NIPAL2: variants seen among roughly 807,000 people sequenced by gnomAD.
The protein encoded by NIPAL2 is NIPA like domain containing 2.
NIPAL2 carries 43 observed loss-of-function variants against 48.9 expected under a neutral mutation model. The observed-to-expected ratio is 0.88, with a 90% confidence interval of 0.69 to 1.13. The LOEUF is 1.13. Among genes scored for constraint, NIPAL2 ranks in the 50% most tolerant of loss-of-function variants. The pLI is 0.00. For missense variants in NIPAL2, 446 were observed against 461.4 expected (o/e 0.97, Z 0.31); for synonymous variants, 167 against 174.6 (o/e 0.96, Z 0.34).
chr8:98,193,818 AG>A lies in NIPAL2; in HGVS notation c.1040-729del, dbSNP rs766827202. ...ACTCCATCTCAAAAAAAAAAAAAAA[AG>A]TCAAACTTTATTTCCTATCAAAGAA... On this transcript the variant is annotated intron_variant, in intron 10 of 10. Transcript: ENST00000430223. Among the ~76,000 whole-genome samples the A allele has an allele frequency of 3.2e-3, 479 of 151,434 alleles. 2 individuals carry two copies. The highest frequency in any genetic ancestry group is 5.6e-3 in the Non-Finnish European group (380 of 67,708).
intron 6 of NIPAL2, among the ~76,000 whole-genome samples, chr8:98,211,084 C>A (rs1811286358): frequency 6.6e-6 from 1 of 152,144 alleles, no homozygotes; most frequent in African/African-American, 2.4e-5. Context: ...TTTGAATAAT[C>A]CTTACAGCTG....
rs568464494 is a variant in NIPAL2 at position 98,242,488 on chromosome 8, ATT to A, written c.377-6276_377-6275del. ...AGGCAAAAGCCACTGCACCTGACAGATTTTTTTTTTTTTTTTTTTAACTGAGC... is the reference window on the plus strand; with the variant it reads ...AGGCAAAAGCCACTGCACCTGACAGATTTTTTTTTTTTTTTTTAACTGAGC... On this transcript the variant is annotated intron_variant, in intron 3 of 10. Transcript: ENST00000430223. Among the ~76,000 whole-genome samples the A allele has an allele frequency of 7.0e-3, 822 of 117,762 alleles. 19 individuals are homozygous for A. The highest frequency in any genetic ancestry group is 0.021 in the African/African-American group (638 of 30,320). 77.3% of individuals were successfully genotyped at this position (117,762 alleles called of 152,430 possible). A position where few individuals can be genotyped will look rare whatever the true frequency, so the allele number is the denominator to read the frequency against.
chr8:98,236,268 C>T (rs1812710341), intron 3 of NIPAL2, 54 bp from the exon 4 acceptor site: 3 of 1,247,204 alleles, frequency 2.4e-6, no homozygotes, highest in Admixed American at 3.9e-5. Flanking sequence ...GTCTATTACG[C>T]AATGCCATTT....
At chr8:98,197,319 A>C (rs1189105495) in intron 8 of NIPAL2, among the ~76,000 whole-genome samples, 1 of 152,238 alleles carries the variant, frequency 6.6e-6, no homozygotes, top group Admixed American at 6.5e-5. Flanking sequence ...TACCTTAATT[A>C]AAATACTTTA....
intron 1 of NIPAL2, 51 bp downstream of exon 1, chr8:98,293,952 C>T (rs1204420556): frequency 4.4e-5 from 60 of 1,363,790 alleles, no homozygotes; most frequent in Middle Eastern, 2.6e-4. Context: ...CGGAGCCAGC[C>T]GCCCTGGCCG....
At chr8:98,212,370 C>A in intron 6 of NIPAL2, 35 bp downstream of exon 6, 1 of 1,130,888 alleles carries the variant, frequency 8.8e-7, no homozygotes, top group Non-Finnish European at 1.3e-6. Flanking sequence ...CAGCACAGCT[C>A]AATTAAAGAA....
intron 1 of NIPAL2, among the ~76,000 whole-genome samples, 188 bp downstream of exon 1, chr8:98,293,815 C>G (rs896978095): frequency 3.3e-5 from 5 of 152,336 alleles, no homozygotes; most frequent in East Asian, 3.9e-4. Flanking sequence ...CTGGGCGGAC[C>G]CCCGCGCTTC....
intron 7 of NIPAL2, among the ~76,000 whole-genome samples, chr8:98,203,846 C>CTGTGTG (rs143170810): frequency 0.067 from 9,791 of 146,774 alleles, 411 homozygotes; most frequent in East Asian, 0.12. Context: ...TGGGTAGAGC[C>CTGTGTG]TGTGTGTGTG....
At chr8:98,247,139 G>A (rs948722070) in intron 3 of NIPAL2, among the ~76,000 whole-genome samples, 16 of 152,190 alleles carry the variant, frequency 1.1e-4, no homozygotes, top group Non-Finnish European at 2.4e-4. Context: ...ATATTCATGA[G>A]TCTCTTGCAA....
In NIPAL2 at chr8:98,211,733, A is replaced by AGTGTGTGTGTGTGTGT. The variant is rs1156409051; in HGVS notation, c.655+656_655+671dup. Reference sequence around the variant, plus strand: ...GAGTGAGAGAGAGAGAGAGAGAGAAAGTGTGTGTGTGTGTGTGTGTGTGTG... The same window carrying AGTGTGTGTGTGTGTGT: ...GAGTGAGAGAGAGAGAGAGAGAGAAAGTGTGTGTGTGTGTGTGTGTGTGTGTGTGTGTGTGTGTGTG... On this transcript the variant is annotated intron_variant, in intron 6 of 10. Coordinates refer to ENST00000430223, the MANE Select transcript of NIPAL2 (RefSeq NM_001321635.2). 1.0e-3 allele frequency among the ~76,000 whole-genome samples: 112 copies of AGTGTGTGTGTGTGTGT among 109,144 alleles called. 2 individuals are homozygous for AGTGTGTGTGTGTGTGT. Among genetic ancestry groups the AGTGTGTGTGTGTGTGT allele is most frequent in the African/African-American group, 2.9e-3 (75 of 25,950 alleles). 71.6% of individuals were successfully genotyped at this position (109,144 alleles called of 152,430 possible). A position where few individuals can be genotyped will look rare whatever the true frequency, so the allele number is the denominator to read the frequency against.
At chr8:98,288,273 G>T (rs1360000173) in intron 1 of NIPAL2, among the ~76,000 whole-genome samples, 1 of 143,114 alleles carries the variant, frequency 7.0e-6, no homozygotes, top group South Asian at 2.2e-4. Flanking sequence ...TCCCACCTAT[G>T]AGTGAGAATA....
At chr8:98,230,505 C>G (rs1402234734) in intron 4 of NIPAL2, among the ~76,000 whole-genome samples, 4 of 152,176 alleles carry the variant, frequency 2.6e-5, no homozygotes, top group Non-Finnish European at 5.9e-5. Context: ...TTAGCATTCA[C>G]CGTAAATCTC....
intron 1 of NIPAL2, among the ~76,000 whole-genome samples, chr8:98,262,948 C>A: frequency 6.7e-6 from 1 of 149,914 alleles, no homozygotes; most frequent in Non-Finnish European, 1.5e-5. Context: ...ACAGTGCAAT[C>A]AAACTAGAAC....
intron 6 of NIPAL2, among the ~76,000 whole-genome samples, chr8:98,208,279 G>C (rs1235429223): frequency 1.3e-5 from 2 of 152,050 alleles, no homozygotes; most frequent in African/African-American, 4.8e-5. Context: ...TTCCCTCTTA[G>C]ATTTTCATCA....
intron 1 of NIPAL2, among the ~76,000 whole-genome samples, chr8:98,255,423 A>G (rs1312232496): frequency 6.6e-6 from 1 of 152,144 alleles, no homozygotes; most frequent in Non-Finnish European, 1.5e-5. Flanking sequence ...ACCACAAAGA[A>G]CCCTTTTCAG....
chr8:98,251,185 G>A (rs1482652569), intron 3 of NIPAL2, among the ~76,000 whole-genome samples: 3 of 151,496 alleles, frequency 2.0e-5, no homozygotes, highest in Admixed American at 2.0e-4. Flanking sequence ...GCTATTTCAT[G>A]GAAACGGCAT....
intron 4 of NIPAL2, among the ~76,000 whole-genome samples, chr8:98,231,132 C>A (rs1355436743): frequency 6.6e-6 from 1 of 152,096 alleles, no homozygotes; most frequent in Non-Finnish European, 1.5e-5. Flanking sequence ...TAACATCAAA[C>A]CATTTGGAAA....
chr8:98,222,468 A>G lies in NIPAL2; in HGVS notation c.558+11T>C, dbSNP rs1811941207. On this transcript the variant is annotated intron_variant, in intron 5 of 10. Coordinates refer to ENST00000430223, the MANE Select transcript of NIPAL2 (RefSeq NM_001321635.2). The stretch of plus-strand genomic sequence containing the variant: ...TAGCTTCGGGGATAGTAAAATATTT[A>G]GAATTCTTACCACATAGATCAGGAA... 6.2e-7 allele frequency: 1 copy of G among 1,611,324 alleles called. No individual in the cohort carries two copies. Among genetic ancestry groups the G allele is most frequent in the Non-Finnish European group, 8.5e-7 (1 of 1,179,256 alleles).
At chr8:98,278,875 C>T (rs1815634807) in intron 1 of NIPAL2, among the ~76,000 whole-genome samples, 1 of 152,132 alleles carries the variant, frequency 6.6e-6, no homozygotes, top group Non-Finnish European at 1.5e-5. Flanking sequence ...ACCAAACACA[C>T]AGTTTCTGTG....
Sources: allele counts gnomAD v4.1 joint callset (sites outside exome capture counted in the v4.1 genomes callset), GRCh38; gene constraint gnomAD v4.1.1; transcripts MANE v1.5; gene names NCBI Gene and HGNC (gene_info 2026-07-23, HGNC 2026-07-21).